Variants in ENTREP2 observed in about 807,000 individuals in gnomAD.
ENTREP2 encodes protein ENTREP2.
the ENTREP2 span, among the ~76,000 whole-genome samples, chr15:29,299,808 G>C: frequency 6.6e-6 from 1 of 152,124 alleles, no homozygotes; most frequent in African/African-American, 2.4e-5. Context: ...CCAGAGCCTA[G>C]TATATAATAA....
chr15:29,615,312 T>C, the ENTREP2 span, among the ~76,000 whole-genome samples: 1 of 152,030 alleles, frequency 6.6e-6, no homozygotes, highest in Non-Finnish European at 1.5e-5. Context: ...CACACCACCA[T>C]GCTGGGCTAA....
the ENTREP2 span, among the ~76,000 whole-genome samples, chr15:29,469,103 T>G: frequency 6.6e-6 from 1 of 152,106 alleles, no homozygotes; most frequent in Admixed American, 6.6e-5. Flanking sequence ...ACATGCAACA[T>G]CCACCAATGG....
the ENTREP2 span, among the ~76,000 whole-genome samples, chr15:29,412,878 A>G: frequency 6.6e-6 from 1 of 151,716 alleles, no homozygotes; most frequent in Non-Finnish European, 1.5e-5. Context: ...AGTAAATCTG[A>G]TCACTTCATT....
chr15:29,315,253 G>T, the ENTREP2 span, among the ~76,000 whole-genome samples: 1 of 152,002 alleles, frequency 6.6e-6, no homozygotes, highest in African/African-American at 2.4e-5. Flanking sequence ...TATAGTTCTT[G>T]GAAGAACAAC....
the ENTREP2 span, among the ~76,000 whole-genome samples, chr15:29,473,500 T>C: frequency 6.6e-6 from 1 of 152,180 alleles, no homozygotes; most frequent in Non-Finnish European, 1.5e-5. Flanking sequence ...CTGTGAACTC[T>C]CCCAAGTTTT....
the ENTREP2 span, among the ~76,000 whole-genome samples, chr15:29,401,087 G>C: frequency 6.6e-6 from 1 of 152,202 alleles, no homozygotes; most frequent in East Asian, 1.9e-4. Context: ...GCAACCCAAA[G>C]TGGAGCCACC....
chr15:29,628,886 A>C, the ENTREP2 span, among the ~76,000 whole-genome samples: 1 of 152,250 alleles, frequency 6.6e-6, no homozygotes, highest in South Asian at 2.1e-4. Context: ...AGTAGCTGGG[A>C]TTACAAGTGG....
chr15:29,262,518 G>A, the ENTREP2 span, among the ~76,000 whole-genome samples: 1 of 152,192 alleles, frequency 6.6e-6, no homozygotes, highest in South Asian at 2.1e-4. Flanking sequence ...AACCCAAAAG[G>A]ACAGGGTTCA....
chr15:29,363,078 A>G, the ENTREP2 span, among the ~76,000 whole-genome samples: 1 of 152,154 alleles, frequency 6.6e-6, no homozygotes, highest in Non-Finnish European at 1.5e-5. Flanking sequence ...ATCTGTACAA[A>G]TATGTTTTCA....
chr15:29,191,850 G>A, the ENTREP2 span, among the ~76,000 whole-genome samples: 2 of 152,282 alleles, frequency 1.3e-5, no homozygotes, highest in African/African-American at 4.8e-5. Context: ...GGAGTTTGAG[G>A]CTGCAGTGAG....
At chr15:29,662,922 A>G in the ENTREP2 span, among the ~76,000 whole-genome samples, 1 of 151,710 alleles carries the variant, frequency 6.6e-6, no homozygotes. Flanking sequence ...CATGTTGGTC[A>G]GGCTGGTCTC....
At chr15:29,596,349 T>A in the ENTREP2 span, among the ~76,000 whole-genome samples, 2 of 152,224 alleles carry the variant, frequency 1.3e-5, no homozygotes, top group African/African-American at 2.4e-5. Context: ...CCTCTCTTTA[T>A]CTGGAATCTC....
chr15:29,392,394 T>G, the ENTREP2 span, among the ~76,000 whole-genome samples: 1 of 124,508 alleles, frequency 8.0e-6, no homozygotes, highest in South Asian at 2.8e-4. Context: ...AGAGCAGATT[T>G]TTTGGTGATA....
chr15:29,489,047 T>C, the ENTREP2 span, among the ~76,000 whole-genome samples: 1 of 151,856 alleles, frequency 6.6e-6, no homozygotes, highest in Non-Finnish European at 1.5e-5. Flanking sequence ...ATAGAGGGAG[T>C]GGTTACACAA....
chr15:29,161,791 G>A, the ENTREP2 span, among the ~76,000 whole-genome samples: 1 of 152,152 alleles, frequency 6.6e-6, no homozygotes, highest in Non-Finnish European at 1.5e-5. Context: ...AAGTAATGCA[G>A]CACACATAGG....
At chr15:29,584,918 A>T in the ENTREP2 span, among the ~76,000 whole-genome samples, 1 of 152,206 alleles carries the variant, frequency 6.6e-6, no homozygotes, top group East Asian at 1.9e-4. Flanking sequence ...ATCACATTTC[A>T]TATCTTAAAT....
At chr15:29,127,932 T>TG in the ENTREP2 span, among the ~76,000 whole-genome samples, 1 of 152,312 alleles carries the variant, frequency 6.6e-6, no homozygotes, top group African/African-American at 2.4e-5. Flanking sequence ...TCTGATGGCT[T>TG]GGAGTGACCA....
the ENTREP2 span, among the ~76,000 whole-genome samples, chr15:29,330,116 G>A: frequency 6.6e-6 from 1 of 152,066 alleles, no homozygotes; most frequent in Non-Finnish European, 1.5e-5. Flanking sequence ...ATGCCTTACT[G>A]ATAGTATGTC....
At chr15:29,616,531 C>G in the ENTREP2 span, among the ~76,000 whole-genome samples, 1 of 152,118 alleles carries the variant, frequency 6.6e-6, no homozygotes, top group East Asian at 1.9e-4. Flanking sequence ...GTTAACCTGG[C>G]TGTGTTTTCT....
Sources: gnomAD v4.1 joint callset for allele counts (sites outside exome capture counted in the v4.1 genomes callset) on GRCh38, gnomAD v4.1.1 for gene constraint, MANE v1.5 for transcripts, NCBI Gene and HGNC (gene_info 2026-07-23, HGNC 2026-07-21) for gene names.